Variants in CDH18 observed in about 807,000 individuals in gnomAD.
CDH18 encodes the protein cadherin 18.
Under a neutral mutation model 67.9 loss-of-function variants are expected in CDH18, and 31 were observed. The observed-to-expected ratio is 0.46, with a 90% confidence interval of 0.34 to 0.62. The LOEUF (loss-of-function observed/expected upper bound fraction) is 0.62, where lower values mean the gene tolerates loss of function less well. Ranked by LOEUF, CDH18 falls within the 20% of genes least tolerant of loss-of-function variation. CDH18 has a pLI of 0.01. For synonymous variants in CDH18, 362 were observed against 347.2 expected (o/e 1.04, Z -0.48); for missense variants, 890 against 975.5 (o/e 0.91, Z 1.17).
intron 2 of CDH18, among the ~76,000 whole-genome samples, chr5:19,907,741 G>A (rs986681693): frequency 6.6e-6 from 1 of 151,876 alleles, no homozygotes; most frequent in African/African-American, 2.4e-5. Flanking sequence ...GCATATTCAT[G>A]ACATTAATTT....
At chr5:19,531,458 C>G (rs561596761) in intron 9 of CDH18, among the ~76,000 whole-genome samples, 2 of 152,054 alleles carry the variant, frequency 1.3e-5, no homozygotes, top group Admixed American at 1.3e-4. Context: ...GCAACACATG[C>G]GGAAGACGTG....
At chr5:20,271,392 T>C (rs559027147) in intron 1 of CDH18, among the ~76,000 whole-genome samples, 1 of 152,148 alleles carries the variant, frequency 6.6e-6, no homozygotes, top group East Asian at 1.9e-4. Flanking sequence ...CCATAATATA[T>C]TGTCTATCCA....
intron 1 of CDH18, among the ~76,000 whole-genome samples, chr5:20,318,727 T>C (rs1436936025): frequency 3.3e-5 from 5 of 152,174 alleles, no homozygotes; most frequent in South Asian, 4.1e-4. Context: ...ATTTACAGCC[T>C]GCAGAGCCAT....
intron 2 of CDH18, among the ~76,000 whole-genome samples, chr5:20,113,612 A>G (rs1013014332): frequency 2.0e-5 from 3 of 152,222 alleles, no homozygotes; most frequent in South Asian, 2.1e-4. Context: ...AGGTATTTCA[A>G]AAATGTTATT....
At chr5:19,563,726 G>T (rs901103126) in intron 8 of CDH18, among the ~76,000 whole-genome samples, 1 of 152,162 alleles carries the variant, frequency 6.6e-6, no homozygotes, top group African/African-American at 2.4e-5. Flanking sequence ...CTGAATTGAA[G>T]AACTTTCCAT....
chr5:19,792,885 C>T (rs772644680), intron 3 of CDH18, among the ~76,000 whole-genome samples: 2 of 152,062 alleles, frequency 1.3e-5, no homozygotes, highest in African/African-American at 4.8e-5. Flanking sequence ...AGAAGAAGGA[C>T]AAGTTATTTA....
At chr5:19,710,030 G>T (rs566190471) in intron 5 of CDH18, among the ~76,000 whole-genome samples, 1 of 152,100 alleles carries the variant, frequency 6.6e-6, no homozygotes, top group Non-Finnish European at 1.5e-5. Flanking sequence ...AGCTACACAG[G>T]AGGCTGAGGC....
At chr5:20,020,997 G>C (rs1595131) in intron 2 of CDH18, among the ~76,000 whole-genome samples, 24,413 of 151,564 alleles carry the variant, frequency 0.16, 4,773 homozygotes, top group African/African-American at 0.47. Context: ...CGGGGTGAAG[G>C]TTCTCAAGGC....
intron 12 of CDH18, among the ~76,000 whole-genome samples, chr5:19,477,237 A>C (rs188568033): frequency 2.0e-5 from 3 of 151,402 alleles, no homozygotes; most frequent in Admixed American, 2.0e-4. Flanking sequence ...GGGCAAATGC[A>C]GACATAGGAT....
At chr5:19,745,635 C>T in intron 4 of CDH18, among the ~76,000 whole-genome samples, 1 of 152,152 alleles carries the variant, frequency 6.6e-6, no homozygotes, top group East Asian at 1.9e-4. Context: ...CTTTAATTCT[C>T]CCTCGACTCT....
intron 2 of CDH18, among the ~76,000 whole-genome samples, chr5:19,956,727 C>A (rs964868764): frequency 5.3e-5 from 8 of 151,708 alleles, no homozygotes; most frequent in African/African-American, 1.7e-4. Flanking sequence ...TATTTTACTT[C>A]TTAAAGTATT....
At chr5:20,126,570 A>G (rs190048674) in intron 2 of CDH18, among the ~76,000 whole-genome samples, 20 of 152,292 alleles carry the variant, frequency 1.3e-4, no homozygotes, top group Non-Finnish European at 2.6e-4. Flanking sequence ...TATCTGATAA[A>G]AGGTTAATAT....
rs1009485647 is a variant in CDH18, at chr5:20,496,504, A to G, written c.-580+78958T>C. ...TACACATAGAATTGAATATACCATT[A>G]TTTAAAATATACAATTGATAAAAAA... On this transcript the variant is annotated intron_variant, in intron 1 of 14. Coordinates refer to the CDH18 transcript ENST00000507958. Among the ~76,000 whole-genome samples the G allele has an allele frequency of 5.3e-5, 8 of 152,182 alleles. No homozygotes were observed. In the East Asian group the frequency reaches 1.5e-3, roughly 29 times the overall value.
rs886541098 is a variant in CDH18 at position 20,345,138 on chromosome 5, G to T, written c.-579-89633C>A. Reference sequence around the variant, plus strand: ...ACTTTTTGATGCATTTTTACAGGGAGACTTTCATTACCCATGGAGTCTAAA... The same window carrying T: ...ACTTTTTGATGCATTTTTACAGGGATACTTTCATTACCCATGGAGTCTAAA... On this transcript the variant is annotated intron_variant, in intron 1 of 14. Transcript: ENST00000507958. 2.0e-5 allele frequency among the ~76,000 whole-genome samples: 3 copies of T among 152,100 alleles called. No individual in the cohort carries two copies. The East Asian group carries it at 5.8e-4, about 29-fold the overall frequency.
At chr5:20,016,371 T>C (rs777234065) in intron 2 of CDH18, among the ~76,000 whole-genome samples, 2 of 152,080 alleles carry the variant, frequency 1.3e-5, no homozygotes, top group Non-Finnish European at 2.9e-5. Flanking sequence ...GTACTATACG[T>C]AGTACCTGAA....
chr5:20,083,714 T>C (rs556809973), intron 2 of CDH18, among the ~76,000 whole-genome samples: 2 of 152,192 alleles, frequency 1.3e-5, no homozygotes, highest in Admixed American at 1.3e-4. Context: ...CTGGGAAGCC[T>C]GACAATCATG....
chr5:19,816,655 T>C lies in CDH18; in HGVS notation c.228+22104A>G, dbSNP rs540507379. Among the ~76,000 whole-genome samples the C allele has an allele frequency of 2.6e-5, 4 of 151,974 alleles. No homozygotes were observed. In the East Asian group the frequency reaches 5.8e-4, roughly 22 times the overall value. ...TAATGACTAAAAATAGGAAGTCAGATGTATTTTAAATTATAATTTCTAGTC... is the reference window on the plus strand; with the variant it reads ...TAATGACTAAAAATAGGAAGTCAGACGTATTTTAAATTATAATTTCTAGTC... On this transcript the variant is annotated intron_variant, in intron 3 of 12. Coordinates refer to ENST00000382275, the MANE Select transcript of CDH18 (RefSeq NM_004934.5).
In CDH18 at chr5:19,970,243, T is replaced by C. The variant is rs1209235714; in HGVS notation, c.-257+10817A>G. 2.0e-5 allele frequency among the ~76,000 whole-genome samples: 3 copies of C among 151,292 alleles called. No individual in the cohort carries two copies. In the Admixed American group the frequency reaches 2.0e-4, roughly 10 times the overall value. On this transcript the variant is annotated intron_variant, in intron 2 of 12. Transcript: ENST00000382275. ...TATAATAAATTATAGTATTAATACA[T>C]ATTATATATAAATATCACAAGAATA...
chr5:19,640,281 T>C (rs1208234582), intron 5 of CDH18, among the ~76,000 whole-genome samples: 1 of 152,106 alleles, frequency 6.6e-6, no homozygotes, highest in Non-Finnish European at 1.5e-5. Flanking sequence ...AAAAATCTAT[T>C]AATAGATACA....
Sources: allele counts gnomAD v4.1 joint callset (sites outside exome capture counted in the v4.1 genomes callset), GRCh38; gene constraint gnomAD v4.1.1; transcripts MANE v1.5; gene names NCBI Gene and HGNC (gene_info 2026-07-23, HGNC 2026-07-21).